ANKFN1: variants seen among roughly 807,000 people sequenced by gnomAD.
The protein encoded by ANKFN1 is ankyrin repeat and fibronectin type III domain containing 1.
A neutral mutation model predicts 108.7 loss-of-function variants in ANKFN1; 74 were observed. That is an observed-to-expected ratio of 0.68 (90% CI 0.56 to 0.83). The LOEUF is 0.83. ANKFN1 is among the 40% of genes least tolerant of loss of function. The probability of loss-of-function intolerance (pLI) is 0.00; values close to 1 mark genes in which losing one functional copy is unlikely to be tolerated. For missense variants in ANKFN1, 1,505 were observed against 1,382.3 expected (o/e 1.09, Z -1.41); for synonymous variants, 547 against 516.2 (o/e 1.06, Z -0.81).
chr17:56,475,381 G>T (rs552151183), intron 15 of ANKFN1, among the ~76,000 whole-genome samples: 1 of 152,268 alleles, frequency 6.6e-6, no homozygotes, highest in South Asian at 2.1e-4. Flanking sequence ...ATATGTGTTT[G>T]ATAAAGGATG....
chr17:56,325,995 T>TGAAGTCATGGTATCCTTTCACTACACGC (rs1170151903), intron 3 of ANKFN1, among the ~76,000 whole-genome samples: 1 of 152,202 alleles, frequency 6.6e-6, no homozygotes, highest in Non-Finnish European at 1.5e-5. Context: ...AAGCACACAC[T>TGAAGTCATGGTATCCTTTCACTACACGC]GAAGTCATGG....
intron 1 of ANKFN1, chr17:56,206,927 T>G (rs1362214525): frequency 6.6e-6 from 1 of 152,274 alleles, no homozygotes; most frequent in Non-Finnish European, 1.5e-5. Flanking sequence ...CATTCCAGGT[T>G]TGAGCCCTAC....
At position 56,512,673 on chromosome 17, in the gene ANKFN1, T is replaced by G. The variant is rs2145506612; in HGVS notation, c.*1404T>G. Among the ~76,000 whole-genome samples, 1 of 152,378 alleles carries G rather than the reference T, an allele frequency of 6.6e-6. No homozygotes were observed. Among genetic ancestry groups the G allele is most frequent in the Non-Finnish European group, 1.5e-5 (1 of 68,036 alleles). ...CAGGCATTTCAGTTAAATATTGCTCTTTATGGCCCTATCCTTGTCCACAGA... is the reference window on the plus strand; with the variant it reads ...CAGGCATTTCAGTTAAATATTGCTCGTTATGGCCCTATCCTTGTCCACAGA... On this transcript the variant is annotated 3_prime_UTR_variant, in exon 21 of 21. Transcript: ENST00000682825.
intron 3 of ANKFN1, among the ~76,000 whole-genome samples, chr17:56,307,309 A>C (rs868186683): frequency 1.3e-5 from 2 of 152,216 alleles, no homozygotes; most frequent in Non-Finnish European, 2.9e-5. Context: ...AATGGGAGAA[A>C]ATTTTTGCAA....
intron 3 of ANKFN1, among the ~76,000 whole-genome samples, chr17:56,297,283 C>T (rs752630931): frequency 5.5e-4 from 84 of 152,124 alleles, no homozygotes; most frequent in Non-Finnish European, 9.6e-4. Context: ...GTGTGGTGAG[C>T]CTGCAGGGGC....
intron 4 of ANKFN1, among the ~76,000 whole-genome samples, chr17:56,143,814 C>G (rs906206061): frequency 1.3e-5 from 2 of 152,010 alleles, no homozygotes; most frequent in Admixed American, 6.6e-5. Flanking sequence ...AGCTACAAGC[C>G]AACGAATCCC....
At chr17:56,476,286 T>C (rs1414365666) in intron 15 of ANKFN1, among the ~76,000 whole-genome samples, 1 of 152,276 alleles carries the variant, frequency 6.6e-6, no homozygotes, top group East Asian at 1.9e-4. Flanking sequence ...TACCTACTGA[T>C]GTGGAGGGAT....
chr17:56,509,461 G>A (rs942415590), intron 20 of ANKFN1, among the ~76,000 whole-genome samples: 1 of 152,150 alleles, frequency 6.6e-6, no homozygotes, highest in African/African-American at 2.4e-5. Context: ...GCTAAGCCAG[G>A]TCCCTTTATG....
intron 3 of ANKFN1, among the ~76,000 whole-genome samples, chr17:56,306,981 G>A (rs1323231099): frequency 6.6e-6 from 1 of 152,132 alleles, no homozygotes; most frequent in African/African-American, 2.4e-5. Context: ...ATGGGGAAAC[G>A]ATTCCCTATT....
chr17:56,165,509 C>G (rs971846651), intron 1 of ANKFN1, among the ~76,000 whole-genome samples: 3 of 152,096 alleles, frequency 2.0e-5, no homozygotes, highest in Non-Finnish European at 2.9e-5. Context: ...TTCTACATAC[C>G]CAAATTTCTC....
intron 10 of ANKFN1, among the ~76,000 whole-genome samples, chr17:56,445,859 T>C (rs1035930403): frequency 1.3e-5 from 2 of 152,298 alleles, no homozygotes; most frequent in African/African-American, 2.4e-5. Context: ...CGCCAGTGAA[T>C]GTAAGCTCGG....
At chr17:56,311,011 A>G (rs1234570550) in intron 3 of ANKFN1, among the ~76,000 whole-genome samples, 1 of 152,188 alleles carries the variant, frequency 6.6e-6, no homozygotes, top group African/African-American at 2.4e-5. Flanking sequence ...GAGTGACGTC[A>G]TGAAGTATTT....
intron 1 of ANKFN1, chr17:56,185,121 C>T (rs1186951316): frequency 1.3e-5 from 2 of 152,138 alleles, no homozygotes; most frequent in Non-Finnish European, 2.9e-5. Context: ...CTTGTACCAC[C>T]TTGAAACCCT....
At chr17:56,488,929 G>T (rs2050941150) in intron 18 of ANKFN1, among the ~76,000 whole-genome samples, 1 of 152,184 alleles carries the variant, frequency 6.6e-6, no homozygotes, top group East Asian at 1.9e-4. Flanking sequence ...CATTTATTTT[G>T]TATCAGGTAT....
At chr17:56,196,160 T>G (rs1022574421) in intron 1 of ANKFN1, among the ~76,000 whole-genome samples, 1 of 152,014 alleles carries the variant, frequency 6.6e-6, no homozygotes, top group African/African-American at 2.4e-5. Context: ...CCCAGCTACT[T>G]GGGAGGATTG....
At chr17:56,337,305 T>C (rs1260375199) in intron 4 of ANKFN1, among the ~76,000 whole-genome samples, 5 of 152,146 alleles carry the variant, frequency 3.3e-5, no homozygotes, top group Admixed American at 3.3e-4. Context: ...ATCTGTCTAA[T>C]ATTGACAATG....
chr17:56,437,058 T>C (rs1568000556), intron 8 of ANKFN1, among the ~76,000 whole-genome samples: 1 of 152,180 alleles, frequency 6.6e-6, no homozygotes, highest in Non-Finnish European at 1.5e-5. Context: ...TTGCCTTTGA[T>C]GTGAATCTTC....
At chr17:56,184,816 G>C (rs1272948889) in intron 1 of ANKFN1, 1 of 152,172 alleles carries the variant, frequency 6.6e-6, no homozygotes, top group Non-Finnish European at 1.5e-5. Context: ...ACACGTCCAA[G>C]GTCAGTTCAC....
At chr17:56,424,857 C>G (rs1212103963) in intron 8 of ANKFN1, among the ~76,000 whole-genome samples, 2 of 152,092 alleles carry the variant, frequency 1.3e-5, no homozygotes, top group African/African-American at 4.8e-5. Context: ...ATGAAAGCAT[C>G]CCCAAAAAAA....
Sources: gnomAD v4.1 joint callset for allele counts (sites outside exome capture counted in the v4.1 genomes callset) on GRCh38, gnomAD v4.1.1 for gene constraint, MANE v1.5 for transcripts, NCBI Gene and HGNC (gene_info 2026-07-23, HGNC 2026-07-21) for gene names.